AVEN: variants seen among roughly 807,000 people sequenced by gnomAD.
AVEN encodes cell death regulator Aven.
Under a neutral mutation model 38.1 loss-of-function variants are expected in AVEN, and 41 were observed. That is an observed-to-expected ratio of 1.08 (90% CI 0.84 to 1.40). AVEN has a LOEUF of 1.40. AVEN is among the 40% of genes most tolerant of loss of function. AVEN has a pLI of 0.00. For missense variants in AVEN, 605 were observed against 438.8 expected, an observed-to-expected ratio of 1.38 and a Z score of -3.38; for synonymous variants, 206 against 171.8, an observed-to-expected ratio of 1.20 and a Z score of -1.56.
chr15:33,912,959 G>A (rs932438564), intron 2 of AVEN, among the ~76,000 whole-genome samples: 6 of 150,422 alleles, frequency 4.0e-5, no homozygotes, highest in East Asian at 1.9e-4. Context: ...GCGCGATCTC[G>A]GCTCACCACA....
chr15:33,897,008 G>A (rs890073893), intron 2 of AVEN, among the ~76,000 whole-genome samples: 3 of 152,160 alleles, frequency 2.0e-5, no homozygotes, highest in African/African-American at 7.2e-5. Flanking sequence ...CTTCCAGTAA[G>A]TGCAACAACA....
At position 33,876,003 on chromosome 15, in the gene AVEN, T is replaced by C. The variant is rs945005063; in HGVS notation, c.446-8A>G. 1.2e-5 allele frequency: 19 copies of C among 1,595,394 alleles called. No homozygotes were observed. The highest frequency in any genetic ancestry group is 4.5e-5 in the East Asian group (2 of 44,762). ...ACTGTGAGAATGAGTCCCCTAGGAA[T>C]AGGAAAAAAAAAAAAATTTATGCAA... On this transcript the variant is annotated splice_polypyrimidine_tract_variant and splice_region_variant and intron_variant, in intron 2 of 5. Coordinates refer to ENST00000306730, the MANE Select transcript of AVEN (RefSeq NM_020371.3).
At chr15:33,897,963 G>A (rs1476986150) in intron 2 of AVEN, among the ~76,000 whole-genome samples, 1 of 152,172 alleles carries the variant, frequency 6.6e-6, no homozygotes, top group Non-Finnish European at 1.5e-5. Context: ...GTCGAAGGGG[G>A]CGGATCACAA....
chr15:34,017,955 C>G (rs116804774), intron 1 of AVEN, among the ~76,000 whole-genome samples: 2,493 of 152,264 alleles, frequency 0.016, 79 homozygotes, highest in African/African-American at 0.053. Context: ...TGTGGCGATA[C>G]TGATGTAAAC....
downstream of AVEN, among the ~76,000 whole-genome samples, chr15:33,863,242 G>T (rs536456013): frequency 2.6e-5 from 4 of 152,282 alleles, no homozygotes; most frequent in East Asian, 7.7e-4. Flanking sequence ...GCTGGGCAAG[G>T]AATGATGTCC....
intron 2 of AVEN, among the ~76,000 whole-genome samples, chr15:33,919,455 T>C (rs752831306): frequency 2.6e-5 from 4 of 152,170 alleles, no homozygotes; most frequent in Admixed American, 6.5e-5. Context: ...CTGAAGGGCT[T>C]ATTAAAAGTA....
chr15:33,962,239 A>G (rs1365562425), intron 2 of AVEN, among the ~76,000 whole-genome samples: 1 of 152,236 alleles, frequency 6.6e-6, no homozygotes, highest in Non-Finnish European at 1.5e-5. Flanking sequence ...CTTCTCACAT[A>G]TGTCAATTGT....
chr15:33,937,846 A>T (rs1894147016), intron 2 of AVEN, among the ~76,000 whole-genome samples: 2 of 151,016 alleles, frequency 1.3e-5, no homozygotes, highest in African/African-American at 4.9e-5. Flanking sequence ...AGTCTCCAGA[A>T]CTGTGAGAAA....
chr15:33,931,349 CTTTTTTTTTTTTTTTTTTTTTTTTT>C (rs71119903), intron 2 of AVEN, among the ~76,000 whole-genome samples: 58 of 89,272 alleles, frequency 6.5e-4, no homozygotes, highest in African/African-American at 2.0e-3. Flanking sequence ...TGAATATTTT[CTTTTTTTTTTTTTTTTTTTTTTTTT>C]TTTTTTTTTT....
intron 1 of AVEN, among the ~76,000 whole-genome samples, chr15:34,024,764 G>C (rs541079369): frequency 6.6e-6 from 1 of 151,820 alleles, no homozygotes; most frequent in African/African-American, 2.4e-5. Flanking sequence ...AGGAGGCTGA[G>C]GCAGGAGAAT....
intron 2 of AVEN, among the ~76,000 whole-genome samples, chr15:33,986,555 A>AT (rs1391608607): frequency 6.6e-6 from 1 of 152,156 alleles, no homozygotes; most frequent in Non-Finnish European, 1.5e-5. Flanking sequence ...AAACTTAATG[A>AT]TTTTTTAAAA....
intron 2 of AVEN, among the ~76,000 whole-genome samples, chr15:33,935,097 G>A (rs527841662): frequency 6.6e-6 from 1 of 152,268 alleles, no homozygotes; most frequent in East Asian, 1.9e-4. Context: ...GAGTCCATGG[G>A]ACTGATGTGT....
At chr15:33,876,851 T>C (rs551056744) in intron 2 of AVEN, among the ~76,000 whole-genome samples, 181 of 152,234 alleles carry the variant, frequency 1.2e-3, no homozygotes, top group African/African-American at 3.9e-3. Flanking sequence ...GTAGCAGCCA[T>C]ACAAATCATA....
intron 3 of AVEN, among the ~76,000 whole-genome samples, chr15:33,871,270 C>T (rs895251305): frequency 6.6e-6 from 1 of 152,048 alleles, no homozygotes; most frequent in African/African-American, 2.4e-5. Flanking sequence ...ATCATCCTCC[C>T]ATCAAGACTG....
chr15:33,920,320 C>T (rs1006391279), intron 2 of AVEN, among the ~76,000 whole-genome samples: 30 of 152,182 alleles, frequency 2.0e-4, no homozygotes, highest in African/African-American at 7.2e-4. Flanking sequence ...GCTGAAACTA[C>T]ACTCATTAAA....
At chr15:33,927,185 G>A (rs555719140) in intron 2 of AVEN, among the ~76,000 whole-genome samples, 1 of 151,984 alleles carries the variant, frequency 6.6e-6, no homozygotes, top group South Asian at 2.1e-4. Context: ...AACCCGAGAG[G>A]TGGAGCTTGC....
downstream of AVEN, chr15:33,864,009 CCTGA>C (rs1376515549): frequency 1.6e-6 from 1 of 630,024 alleles, no homozygotes; most frequent in African/African-American, 1.8e-5. Flanking sequence ...GCCACACTTC[CCTGA>C]TCATTTAAGT....
At chr15:33,873,493 AAT>A (rs1891087435) in intron 3 of AVEN, among the ~76,000 whole-genome samples, 2 of 147,370 alleles carry the variant, frequency 1.4e-5, no homozygotes, top group Non-Finnish European at 3.0e-5. Context: ...ACATATATAT[AAT>A]ATATAATATA....
At position 34,038,889 on chromosome 15, in the gene AVEN, C is replaced by T. The variant is rs1341653158; in HGVS notation, c.158G>A (p.Arg53His). Residue 53 changes from arginine (R) to histidine (H), a missense_variant, in exon 1 of 6, where the codon CGT becomes CAT. Physicochemically the swap from Arg to His is conservative, Grantham distance 29 (BLOSUM62 0). Transcript: ENST00000306730. ...GCCGCGGAAGCCCCGGCCACGGCCA[C>T]GGCCCCGGCGTCCGCCTCCGTCCCC... ...GGGDGGGRRG[R>H]GRGRGFRGAR... 1 of 1,134,606 alleles carries T rather than the reference C, an allele frequency of 8.8e-7. No individual in the cohort carries two copies. The allele number at this position is 1,134,606 out of a possible 1,614,324, so 70.3% of individuals were successfully genotyped here. A position where few individuals can be genotyped will look rare whatever the true frequency, so the allele number is the denominator to read the frequency against.
Sources: gnomAD v4.1 joint callset for allele counts (sites outside exome capture counted in the v4.1 genomes callset) on GRCh38, gnomAD v4.1.1 for gene constraint, MANE v1.5 for transcripts, NCBI Gene and HGNC (gene_info 2026-07-23, HGNC 2026-07-21) for gene names.